The following GET4 variants were observed in gnomAD, a reference collection of about 807,000 sequenced individuals.
GET4 encodes the protein guided entry of tail-anchored proteins factor 4.
Under a neutral mutation model 40.0 loss-of-function variants are expected in GET4, and 20 were observed. The observed-to-expected ratio is 0.50, with a 90% CI of 0.35 to 0.73. The LOEUF (loss-of-function observed/expected upper bound fraction) is 0.73. Among genes scored for constraint, GET4 ranks in the 30% least tolerant of loss-of-function variants. The pLI is 0.01. For synonymous variants in GET4, 280 were observed against 194.6 expected (o/e 1.44, Z -3.65); for missense variants, 557 against 454.0 (o/e 1.23, Z -2.06).
intron 1 of GET4, chr7:885,275 G>A (rs1453410403): frequency 1.3e-5 from 2 of 152,242 alleles, no homozygotes; most frequent in African/African-American, 4.8e-5. Context: ...GGACTGGGAG[G>A]TGCAGCGCAT....
chr7:876,892 C>CGACGG, intron 1 of GET4, 92 bp downstream of exon 1: 1 of 657,452 alleles, frequency 1.5e-6, no homozygotes, highest in Non-Finnish European at 2.0e-6. Context: ...CATTGGGCCG[C>CGACGG]GCCGCTGCCC....
chr7:884,503 C>G (rs760055829), intron 1 of GET4: 110 of 483,910 alleles, frequency 2.3e-4, no homozygotes, highest in African/African-American at 8.1e-5. Flanking sequence ...CTCTTGGGTG[C>G]GGGCTTTTCC....
At chr7:894,512 G>A (rs1232157192) in intron 8 of GET4, among the ~76,000 whole-genome samples, 6 of 152,176 alleles carry the variant, frequency 3.9e-5, no homozygotes, top group Non-Finnish European at 8.8e-5. Context: ...CTGCCCTGGT[G>A]CAGCTGCGTC....
intron 1 of GET4, chr7:880,505 C>CG (rs1844062848): frequency 6.6e-6 from 1 of 152,228 alleles, no homozygotes; most frequent in Non-Finnish European, 1.5e-5. Flanking sequence ...CACAGTGAAA[C>CG]GGGGGGTGAT....
chr7:892,145 G>C (rs1844338516), intron 5 of GET4, 133 bp from the exon 6 acceptor site: 2 of 793,856 alleles, frequency 2.5e-6, no homozygotes, highest in Non-Finnish European at 4.1e-6. Flanking sequence ...TGAAGCACTG[G>C]GTCCCTCCAT....
intron 4 of GET4, among the ~76,000 whole-genome samples, chr7:890,690 G>A (rs1040147119): frequency 6.6e-6 from 1 of 152,092 alleles, no homozygotes; most frequent in African/African-American, 2.4e-5. Flanking sequence ...CAAGAGCTTG[G>A]AGAATCAAGA....
chr7:889,215 G>A (rs1844258279), intron 4 of GET4, among the ~76,000 whole-genome samples: 1 of 152,284 alleles, frequency 6.6e-6, no homozygotes, highest in South Asian at 2.1e-4. Context: ...CACTGGGGTA[G>A]GTGCGGGCCC....
intron 1 of GET4, chr7:878,030 G>T: frequency 3.9e-6 from 1 of 255,752 alleles, no homozygotes; most frequent in South Asian, 3.9e-5. Flanking sequence ...GAAGTCGCTG[G>T]CGTTCCTCTC....
chr7:891,278 G>A (rs572123660), intron 5 of GET4, among the ~76,000 whole-genome samples: 8 of 152,312 alleles, frequency 5.3e-5, no homozygotes, highest in East Asian at 3.9e-4. Flanking sequence ...CCCCTTTCCC[G>A]ACGGGCACTG....
chr7:894,392 T>C (rs1844420626), intron 8 of GET4, among the ~76,000 whole-genome samples: 1 of 152,134 alleles, frequency 6.6e-6, no homozygotes, highest in Non-Finnish European at 1.5e-5. Context: ...GGGTGGTGGT[T>C]CGTGGCACCG....
chr7:892,201 A>G (rs927947630), intron 5 of GET4, 77 bp from the exon 6 acceptor site: 9 of 1,477,008 alleles, frequency 6.1e-6, no homozygotes, highest in Non-Finnish European at 8.4e-6. Context: ...TGGGAAGGAC[A>G]TGTCGGAGGC....
At chr7:891,935 A>T (rs1225703444) in intron 5 of GET4, among the ~76,000 whole-genome samples, 3 of 152,276 alleles carry the variant, frequency 2.0e-5, no homozygotes, top group Non-Finnish European at 2.9e-5. Flanking sequence ...CTGCTGGGCC[A>T]TGGCGGAGTG....
rs752091403 is a variant in GET4 at position 896,280 on chromosome 7, G to C, written c.*858G>C. The C allele has an allele frequency of 6.6e-6, 1 of 152,240 alleles. No individual in the cohort carries two copies. Among genetic ancestry groups the C allele is most frequent in the African/African-American group, 2.4e-5 (1 of 41,458 alleles). The allele number at this position is 152,240 out of a possible 1,614,324, so 9.4% of individuals were successfully genotyped here. On this transcript the variant is annotated 3_prime_UTR_variant, in exon 9 of 9. Coordinates refer to ENST00000265857, the MANE Select transcript of GET4 (RefSeq NM_015949.3). The stretch of plus-strand genomic sequence containing the variant: ...AAATGTTACCAGAACGATGACAAAA[G>C]GGGAGACGCTCTATTTTTTCACAGT...
In GET4 at chr7:894,211, T is replaced by C. The variant is rs574925482; in HGVS notation, c.895+240T>C. Among the ~76,000 whole-genome samples the C allele has an allele frequency of 9.2e-5, 14 of 152,070 alleles. No individual in the cohort carries two copies. In the East Asian group the frequency reaches 2.1e-3, roughly 23 times the overall value. On this transcript the variant is annotated intron_variant, in intron 8 of 8. Coordinates refer to ENST00000265857, the MANE Select transcript of GET4 (RefSeq NM_015949.3). ...TCCCCATCCCTGAGGTGTCTTCCAT[T>C]TCCTGGCAGGGATCACATCACGTGG...
chr7:887,220 G>T (rs7780917), intron 3 of GET4, 150 bp from the exon 4 acceptor site: 4 of 835,336 alleles, frequency 4.8e-6, no homozygotes, highest in Non-Finnish European at 8.5e-6. Context: ...GGGCAGCTCA[G>T]TGTGGTGGTC....
chr7:884,350 TCA>T (rs1190437442), intron 1 of GET4: 1 of 1,303,550 alleles, frequency 7.7e-7, no homozygotes, highest in Non-Finnish European at 1.0e-6. Flanking sequence ...GGACGGCCGG[TCA>T]CAGAGTCAGT....
rs1273553303 is a variant in GET4 at position 886,623 on chromosome 7, G to C, written c.289G>C (p.Glu97Gln). The C allele has an allele frequency of 2.5e-6, 4 of 1,612,722 alleles. No individual in the cohort carries two copies. Among genetic ancestry groups the C allele is most frequent in the Non-Finnish European group, 3.4e-6 (4 of 1,179,522 alleles). The change falls in exon 3 of 9, where the codon GAA (glutamate) becomes CAA (glutamine). Residue 97 changes from glutamate (E) to glutamine (Q), a missense_variant. Coordinates refer to ENST00000265857, the MANE Select transcript of GET4 (RefSeq NM_015949.3). Reference sequence around the variant, plus strand: ...GGTCCTGGAGTCCCTGGAGAAGGCGGAAGTGGAGGTGGCTGACGAGCTGCT... The same window carrying C: ...GGTCCTGGAGTCCCTGGAGAAGGCGCAAGTGGAGGTGGCTGACGAGCTGCT... ...MLVLESLEKA[E>Q]VEVADELLEN...
At chr7:891,496 T>C (rs1273411605) in intron 5 of GET4, among the ~76,000 whole-genome samples, 2 of 151,218 alleles carry the variant, frequency 1.3e-5, no homozygotes, top group Non-Finnish European at 3.0e-5. Context: ...GCGTGGTCCC[T>C]TCCGCCAGCT....
rs912573552 is a variant in GET4 at position 895,578 on chromosome 7, G to A, written c.*156G>A. ...GTCTGTTTCTGTGCGGCGGCTCAGG[G>A]TGGCGCGGCTGCTGCTCACTGTGCT... On this transcript the variant is annotated 3_prime_UTR_variant, in exon 9 of 9. Coordinates refer to ENST00000265857, the MANE Select transcript of GET4 (RefSeq NM_015949.3). 9 of 504,502 alleles carry A rather than the reference G, an allele frequency of 1.8e-5. No homozygotes were observed. The highest frequency in any genetic ancestry group is 2.9e-5 in the Non-Finnish European group (8 of 280,364). 31.3% of individuals were successfully genotyped at this position (504,502 alleles called of 1,614,324 possible). A position where few individuals can be genotyped will look rare whatever the true frequency, so the allele number is the denominator to read the frequency against.
Sources: gnomAD v4.1 joint callset for allele counts (sites outside exome capture counted in the v4.1 genomes callset) on GRCh38, gnomAD v4.1.1 for gene constraint, MANE v1.5 for transcripts, NCBI Gene and HGNC (gene_info 2026-07-23, HGNC 2026-07-21) for gene names.